ARHGAP24: variants seen among roughly 807,000 people sequenced by gnomAD.
ARHGAP24 encodes the protein rho GTPase-activating protein 24.
ARHGAP24 carries 50 observed loss-of-function variants against 76.4 expected under a neutral mutation model. The ratio of observed to expected loss-of-function variants is 0.65; its 90% CI spans 0.52 to 0.83. The LOEUF is 0.83. ARHGAP24 is among the 40% of genes least tolerant of loss of function. The pLI is 0.00. For missense variants in ARHGAP24, 930 were observed against 914.2 expected, an observed-to-expected ratio of 1.02 and a Z score of -0.22; for synonymous variants, 345 against 323.3, an observed-to-expected ratio of 1.07 and a Z score of -0.72.
At chr4:85,724,491 GTATATATATATATATATATATA>G (rs60930279) in intron 3 of ARHGAP24, among the ~76,000 whole-genome samples, 8 of 10,710 alleles carry the variant, frequency 7.5e-4, no homozygotes, top group African/African-American at 8.5e-4. Context: ...TTCCATGTGT[GTATATATATATATATATATATA>G]TATATATATA....
chr4:85,811,322 C>A (rs756681402), intron 3 of ARHGAP24, among the ~76,000 whole-genome samples: 8 of 152,170 alleles, frequency 5.3e-5, no homozygotes, highest in Admixed American at 1.3e-4. Flanking sequence ...CTTCCCTTCT[C>A]TTTAGTAAAT....
intron 1 of ARHGAP24, among the ~76,000 whole-genome samples, chr4:85,496,247 T>TATGG (rs1171591590): frequency 1.3e-5 from 2 of 152,242 alleles, no homozygotes; most frequent in Non-Finnish European, 2.9e-5. Flanking sequence ...GAGTCATCAA[T>TATGG]ATGGCATTTT....
intron 2 of ARHGAP24, among the ~76,000 whole-genome samples, chr4:85,700,910 CTTTG>C (rs1333472861): frequency 6.6e-6 from 1 of 152,078 alleles, no homozygotes; most frequent in African/African-American, 2.4e-5. Flanking sequence ...AAATATCTCT[CTTTG>C]TTTGTTTCAC....
chr4:85,586,952 A>C (rs1727887294), intron 2 of ARHGAP24, among the ~76,000 whole-genome samples: 1 of 152,182 alleles, frequency 6.6e-6, no homozygotes, highest in African/African-American at 2.4e-5. Flanking sequence ...TAATTCACAT[A>C]ATACCTTAAA....
intron 3 of ARHGAP24, among the ~76,000 whole-genome samples, chr4:85,724,973 A>G (rs1304813514): frequency 6.6e-6 from 1 of 152,254 alleles, no homozygotes; most frequent in Non-Finnish European, 1.5e-5. Flanking sequence ...TGGTTGAGAA[A>G]GAAAGATTGG....
chr4:85,766,228 A>G (rs1263064540), intron 3 of ARHGAP24, among the ~76,000 whole-genome samples: 1 of 152,060 alleles, frequency 6.6e-6, no homozygotes, highest in Non-Finnish European at 1.5e-5. Context: ...GGGTACGGGG[A>G]CTGGCAATCA....
chr4:85,777,945 T>G (rs7657573), intron 3 of ARHGAP24, among the ~76,000 whole-genome samples: 135,445 of 152,214 alleles, frequency 0.89, 62,440 homozygotes, highest in East Asian at 1. Flanking sequence ...ATTTAACAAA[T>G]TATACAATCA....
chr4:85,573,960 C>T (rs866486906), intron 2 of ARHGAP24, among the ~76,000 whole-genome samples: 5 of 152,168 alleles, frequency 3.3e-5, no homozygotes, highest in Admixed American at 2.0e-4. Flanking sequence ...TAAGAATGTC[C>T]ATGGTCTTCA....
At chr4:85,784,937 ATCTATCTATCTATCTATCTATCTC>A (rs1213966242) in intron 3 of ARHGAP24, among the ~76,000 whole-genome samples, 31 of 150,838 alleles carry the variant, frequency 2.1e-4, no homozygotes, top group Non-Finnish European at 3.4e-4. Flanking sequence ...CTATCTATCT[ATCTATCTATCTATCTATCTATCTC>A]TCTATCTCTC....
In ARHGAP24 at chr4:85,683,783, C is replaced by T. The variant is rs116586431; in HGVS notation, c.181-38102C>T. On this transcript the variant is annotated intron_variant, in intron 2 of 9. Transcript: ENST00000395184. ...CCAACCTCCAACCCCCAGCTCCTGG[C>T]AACCATCTCTCTACCTTGGCTTCTC... Among the ~76,000 whole-genome samples, 1,033 of 152,246 alleles carry T rather than the reference C, an allele frequency of 6.8e-3. 7 individuals are homozygous for T. Among genetic ancestry groups the T allele is most frequent in the African/African-American group, 0.023 (976 of 41,550 alleles).
intron 3 of ARHGAP24, among the ~76,000 whole-genome samples, chr4:85,853,384 A>G (rs345333): frequency 0.88 from 133,423 of 152,072 alleles, 59,531 homozygotes; most frequent in Non-Finnish European, 0.97. Flanking sequence ...AGTCTGTCAC[A>G]GCTTCCCTTG....
chr4:85,773,086 T>G (rs1054601945), intron 3 of ARHGAP24, among the ~76,000 whole-genome samples: 3 of 152,226 alleles, frequency 2.0e-5, no homozygotes, highest in African/African-American at 7.2e-5. Flanking sequence ...TCTGTAATTA[T>G]TATATGGAGA....
chr4:85,626,767 G>C (rs1720969365), intron 2 of ARHGAP24, among the ~76,000 whole-genome samples: 1 of 152,208 alleles, frequency 6.6e-6, no homozygotes, highest in African/African-American at 2.4e-5. Context: ...TGGAGGCTTT[G>C]TTGGTTTCTT....
chr4:85,928,480 C>T (rs958367777), intron 4 of ARHGAP24, among the ~76,000 whole-genome samples: 10 of 152,168 alleles, frequency 6.6e-5, no homozygotes, highest in East Asian at 1.9e-4. Flanking sequence ...GTTTTGGAGA[C>T]GGAGTCTCCT....
intron 4 of ARHGAP24, among the ~76,000 whole-genome samples, chr4:85,927,653 A>T (rs771902679): frequency 1.3e-5 from 2 of 152,230 alleles, no homozygotes; most frequent in Admixed American, 6.5e-5. Context: ...GAAATTTAGA[A>T]GAGGAGGTGA....
intron 3 of ARHGAP24, among the ~76,000 whole-genome samples, chr4:85,833,519 C>T (rs187874738): frequency 6.6e-5 from 10 of 152,200 alleles, no homozygotes; most frequent in Admixed American, 6.5e-4. Flanking sequence ...GTGTCATTCA[C>T]GCTAAGTTTC....
At chr4:85,772,027 A>AT (rs1727149866) in intron 3 of ARHGAP24, among the ~76,000 whole-genome samples, 1 of 152,214 alleles carries the variant, frequency 6.6e-6, no homozygotes, top group East Asian at 1.9e-4. Context: ...CCATTTTTAA[A>AT]TAAAAATAAA....
intron 2 of ARHGAP24, among the ~76,000 whole-genome samples, chr4:85,573,163 C>T (rs1302424677): frequency 1.3e-5 from 2 of 152,166 alleles, no homozygotes; most frequent in Non-Finnish European, 2.9e-5. Context: ...AGGCGTGAGT[C>T]ACTGCGCCCA....
At chr4:85,767,409 A>C (rs888676976) in intron 3 of ARHGAP24, among the ~76,000 whole-genome samples, 1 of 152,188 alleles carries the variant, frequency 6.6e-6, no homozygotes, top group Admixed American at 6.5e-5. Flanking sequence ...AGAGAGACAT[A>C]CATACACCTC....
Sources: allele counts gnomAD v4.1 joint callset (sites outside exome capture counted in the v4.1 genomes callset), GRCh38; gene constraint gnomAD v4.1.1; transcripts MANE v1.5; gene names NCBI Gene and HGNC (gene_info 2026-07-23, HGNC 2026-07-21).